The following CEP192 variants were observed in gnomAD, a reference collection of about 807,000 sequenced individuals.
The protein encoded by CEP192 is centrosomal protein 192.
Under a neutral mutation model 271.8 loss-of-function variants are expected in CEP192, and 151 were observed. The observed-to-expected ratio is 0.56, with a 90% CI of 0.49 to 0.64. CEP192 has a LOEUF of 0.64. Ranked by LOEUF, CEP192 falls within the 30% of genes least tolerant of loss-of-function variation. The pLI, the probability that CEP192 is intolerant of heterozygous loss-of-function variation, is 0.00. For missense variants in CEP192, 2,910 were observed against 3,020.5 expected, an observed-to-expected ratio of 0.96 and a Z score of 0.86; for synonymous variants, 995 against 1,076.5, an observed-to-expected ratio of 0.92 and a Z score of 1.48.
Position 13,029,900 on chromosome 18 carries a change from C to T in CEP192, c.1288C>T (p.Pro430Ser). Residue 430 changes from proline to serine, a missense_variant, in exon 10 of 45, where the codon CCC becomes TCC. Coordinates refer to ENST00000506447, the MANE Select transcript of CEP192 (RefSeq NM_032142.4). The part of the protein sequence containing the change: ...QENVDVASLK[P>S]ISDSGINFTD... The stretch of plus-strand genomic sequence containing the variant: ...AAATGTGGATGTAGCCTCTTTGAAG[C>T]CCATTAGTGACAGTGGAATTAATTT... The T allele has an allele frequency of 1.3e-6, 2 of 1,551,634 alleles. No homozygotes were observed. The highest frequency in any genetic ancestry group is 1.7e-6 in the Non-Finnish European group (2 of 1,146,918).
intron 9 of CEP192, among the ~76,000 whole-genome samples, chr18:13,025,094 A>C (rs2035218671): frequency 2.6e-5 from 4 of 152,030 alleles, no homozygotes; most frequent in Admixed American, 2.0e-4. Flanking sequence ...TAGACCATTG[A>C]CTTTGAAAGT....
chr18:13,030,237 T>G (rs918892537), intron 10 of CEP192, among the ~76,000 whole-genome samples: 23 of 152,328 alleles, frequency 1.5e-4, no homozygotes, highest in Non-Finnish European at 4.4e-5. Context: ...TCTTTCTTTA[T>G]TCCTCATTCT....
chr18:13,025,369 A>G (rs766970388), intron 9 of CEP192, among the ~76,000 whole-genome samples: 1 of 151,936 alleles, frequency 6.6e-6, no homozygotes, highest in Admixed American at 6.6e-5. Context: ...GGCACATGTC[A>G]CTACACCTGG....
chr18:13,027,823 T>C (rs1432671006), intron 9 of CEP192, among the ~76,000 whole-genome samples: 2 of 152,166 alleles, frequency 1.3e-5, no homozygotes, highest in Non-Finnish European at 2.9e-5. Flanking sequence ...AAAGCAGTTA[T>C]CTTGTTTTAT....
At chr18:13,082,642 G>A (rs879894346) in intron 30 of CEP192, among the ~76,000 whole-genome samples, 4 of 151,956 alleles carry the variant, frequency 2.6e-5, no homozygotes, top group African/African-American at 4.8e-5. Flanking sequence ...ATATTGTTAT[G>A]TGTGAATTTG....
rs747319531 is a variant in CEP192, at chr18:13,019,140, C to T, written c.984C>T (p.Ser328=). The part of the protein sequence containing the change: ...RRYTDGMLPF[S]SGTWGTEKEI... Reference sequence around the variant, plus strand: ...ACACAGATGGTATGTTACCATTTTCCTCTGGTACTTGGGGAACTGAGAAAG... The same window carrying T: ...ACACAGATGGTATGTTACCATTTTCTTCTGGTACTTGGGGAACTGAGAAAG... Residue 328 remains serine (S), a synonymous_variant, in exon 9 of 45, where the codon TCC becomes TCT. Transcript: ENST00000506447. 7 of 1,544,338 alleles carry T rather than the reference C, an allele frequency of 4.5e-6. No homozygotes were observed. The African/African-American group carries it at 5.5e-5, about 12-fold the overall frequency.
chr18:13,105,640 CAG>C (rs1361999730), intron 40 of CEP192, among the ~76,000 whole-genome samples: 2 of 152,198 alleles, frequency 1.3e-5, no homozygotes, highest in Non-Finnish European at 2.9e-5. Context: ...GCTGTGAACT[CAG>C]AACTGACCGT....
chr18:13,068,066 C>G (rs1328815863), intron 22 of CEP192, 28 bp from the exon 23 acceptor site: 1 of 1,612,704 alleles, frequency 6.2e-7, no homozygotes, highest in Non-Finnish European at 8.5e-7. Context: ...GTTGGCTTTA[C>G]TGAACTGATT....
chr18:13,083,995 T>G (rs1386904287), intron 30 of CEP192, among the ~76,000 whole-genome samples: 1 of 152,108 alleles, frequency 6.6e-6, no homozygotes, highest in Non-Finnish European at 1.5e-5. Flanking sequence ...TCTGGCAGCT[T>G]CGTCCCAGAG....
intron 30 of CEP192, among the ~76,000 whole-genome samples, chr18:13,082,290 T>C (rs1193674118): frequency 1.3e-5 from 2 of 152,232 alleles, no homozygotes; most frequent in Non-Finnish European, 1.5e-5. Context: ...TGGGTGCTCC[T>C]GTATTAGGTG....
intron 13 of CEP192, 60 bp downstream of exon 13, chr18:13,038,639 T>C: frequency 6.3e-6 from 8 of 1,263,424 alleles, no homozygotes; most frequent in Non-Finnish European, 6.8e-6. Context: ...TTGAGTATTA[T>C]GATGGCACAG....
intron 11 of CEP192, among the ~76,000 whole-genome samples, chr18:13,035,139 A>G (rs1270087350): frequency 6.6e-6 from 1 of 152,174 alleles, no homozygotes; most frequent in African/African-American, 2.4e-5. Context: ...TCTTTGATGA[A>G]TCCCTTATAG....
At chr18:13,102,847 G>A (rs1033887251) in intron 38 of CEP192, among the ~76,000 whole-genome samples, 2 of 152,100 alleles carry the variant, frequency 1.3e-5, no homozygotes, top group Non-Finnish European at 2.9e-5. Context: ...ATGACTTCCC[G>A]TGTGCTCGGG....
At position 13,008,561 on chromosome 18, in the gene CEP192, A is replaced by G. The variant is rs1294234138; in HGVS notation, c.396A>G (p.Pro132=). The change falls in exon 4 of 45, where the codon CCA becomes CCG. Residue 132 remains proline, a synonymous_variant. Transcript: ENST00000506447. The part of the protein sequence containing the change: ...QMETAGPEEE[P]AGATESLQGQ... ...AGACAGCAGGACCAGAAGAGGAGCCAGCCGGAGCTACAGAATCCTTGCAGG... is the reference window on the plus strand; with the variant it reads ...AGACAGCAGGACCAGAAGAGGAGCCGGCCGGAGCTACAGAATCCTTGCAGG... 1 of 1,551,714 alleles carries G rather than the reference A, an allele frequency of 6.4e-7. No individual in the cohort carries two copies. The highest frequency in any genetic ancestry group is 8.7e-7 in the Non-Finnish European group (1 of 1,146,968).
At chr18:13,095,160 G>A (rs1340549946) in intron 34 of CEP192, among the ~76,000 whole-genome samples, 2 of 152,092 alleles carry the variant, frequency 1.3e-5, no homozygotes, top group African/African-American at 4.8e-5. Context: ...ACCACTCCCA[G>A]CTAATTTTTC....
intron 1 of CEP192, among the ~76,000 whole-genome samples, chr18:12,996,428 T>C (rs2033244710): frequency 6.6e-6 from 1 of 152,026 alleles, no homozygotes; most frequent in African/African-American, 2.4e-5. Context: ...TTAATTGGAA[T>C]CAAGATTCAA....
chr18:13,120,710 T>C (rs1004016685), intron 44 of CEP192, among the ~76,000 whole-genome samples: 4 of 152,184 alleles, frequency 2.6e-5, no homozygotes, highest in Non-Finnish European at 5.9e-5. Context: ...TTATGGTGAG[T>C]TTCCAGAAAG....
At chr18:13,015,224 A>G in intron 5 of CEP192, 104 bp from the exon 6 acceptor site, 1 of 1,027,956 alleles carries the variant, frequency 9.7e-7, no homozygotes, top group Non-Finnish European at 1.4e-6. Context: ...CAGATACTGA[A>G]CACAGTGGAG....
At chr18:13,037,336 T>A (rs1364120871) in intron 12 of CEP192, 35 bp downstream of exon 12, 2 of 941,582 alleles carry the variant, frequency 2.1e-6, no homozygotes, top group African/African-American at 1.6e-5. Context: ...AAATTTAAAA[T>A]TTTTCCTGTA....
Sources: gnomAD v4.1 joint callset for allele counts (sites outside exome capture counted in the v4.1 genomes callset) on GRCh38, gnomAD v4.1.1 for gene constraint, MANE v1.5 for transcripts, NCBI Gene and HGNC (gene_info 2026-07-23, HGNC 2026-07-21) for gene names.